PDZK1: variants seen among roughly 807,000 people sequenced by gnomAD.
PDZK1 encodes Na(+)/H(+) exchange regulatory cofactor NHE-RF3.
Under a neutral mutation model 38.1 loss-of-function variants are expected in PDZK1, and 23 were observed. The ratio of observed to expected loss-of-function variants is 0.60; its 90% CI spans 0.43 to 0.85. The LOEUF (loss-of-function observed/expected upper bound fraction) is 0.85. PDZK1 is among the 40% of genes least tolerant of loss of function. PDZK1 has a pLI of 0.00. For missense variants in PDZK1, 297 were observed against 504.3 expected (o/e 0.59, Z 3.94); for synonymous variants, 98 against 186.2 (o/e 0.53, Z 3.86).
At chr1:145,688,530 G>A (rs1654992888) in intron 1 of PDZK1, among the ~76,000 whole-genome samples, 1 of 152,112 alleles carries the variant, frequency 6.6e-6, no homozygotes, top group South Asian at 2.1e-4. Flanking sequence ...CAGTGATAAG[G>A]GGGAAAATAA....
At chr1:145,699,893 AG>A (rs1189585579) in intron 1 of PDZK1, among the ~76,000 whole-genome samples, 4 of 152,144 alleles carry the variant, frequency 2.6e-5, no homozygotes, top group Non-Finnish European at 4.4e-5. Flanking sequence ...GAATACCCCT[AG>A]AATAGGAAGC....
chr1:145,690,577 C>G (rs1336268671), intron 1 of PDZK1, among the ~76,000 whole-genome samples: 2 of 152,018 alleles, frequency 1.3e-5, no homozygotes, highest in African/African-American at 2.4e-5. Flanking sequence ...AGAATAAGGC[C>G]AACAGATACT....
chr1:145,679,203 T>C (rs1416075025), intron 5 of PDZK1, among the ~76,000 whole-genome samples: 1 of 151,744 alleles, frequency 6.6e-6, no homozygotes, highest in Non-Finnish European at 1.5e-5. Flanking sequence ...CTGTTTCACT[T>C]TTCCAGCTAG....
chr1:145,691,216 C>T (rs1391822870), intron 1 of PDZK1, among the ~76,000 whole-genome samples: 1 of 152,214 alleles, frequency 6.6e-6, no homozygotes. Flanking sequence ...CCTCAAAAGC[C>T]TGGTCTTACA....
At chr1:145,671,579 T>A in intron 8 of PDZK1, 90 bp from the exon 9 acceptor site, 1 of 691,642 alleles carries the variant, frequency 1.4e-6, no homozygotes, top group South Asian at 1.9e-5. Context: ...AGTCGGGGAG[T>A]AGAGTCACTC....
intron 4 of PDZK1, among the ~76,000 whole-genome samples, chr1:145,682,051 C>T (rs1271907316): frequency 2.3e-5 from 3 of 130,206 alleles, no homozygotes; most frequent in African/African-American, 3.3e-5. Context: ...CACACACACA[C>T]ATAAAAATTA....
chr1:145,690,468 C>T (rs1191496057), intron 1 of PDZK1, among the ~76,000 whole-genome samples: 4 of 152,086 alleles, frequency 2.6e-5, no homozygotes, highest in African/African-American at 9.7e-5. Flanking sequence ...GAAAATAAAA[C>T]AATGTCAAAC....
intron 6 of PDZK1, among the ~76,000 whole-genome samples, chr1:145,676,450 T>C (rs1324576809): frequency 3.3e-5 from 5 of 151,796 alleles, no homozygotes; most frequent in Non-Finnish European, 4.4e-5. Flanking sequence ...AAAAAAAATG[T>C]GTGGCCCGGG....
In PDZK1 at chr1:145,677,959, G is replaced by A. The variant is rs1405344404; in HGVS notation, c.990+490C>T. Among the ~76,000 whole-genome samples the A allele has an allele frequency of 3.6e-5, 5 of 140,580 alleles. No individual in the cohort carries two copies. In the East Asian group the frequency reaches 6.1e-4, roughly 17 times the overall value. The allele number at this position is 140,580 out of a possible 152,430, so 92.2% of individuals were successfully genotyped here. On this transcript the variant is annotated intron_variant, in intron 6 of 8. Coordinates refer to ENST00000417171, the MANE Select transcript of PDZK1 (RefSeq NM_001201325.2). ...AAAAAACCTTAAAACATGCAGTAGT[G>A]GGTGTTATGATAAAGAGCTGTTAAG...
At chr1:145,694,114 C>T (rs1305304506) in intron 1 of PDZK1, among the ~76,000 whole-genome samples, 1 of 152,140 alleles carries the variant, frequency 6.6e-6, no homozygotes, top group Non-Finnish European at 1.5e-5. Flanking sequence ...ATAAAACAAC[C>T]TTTCACTGTT....
At chr1:145,676,156 A>G (rs1248969745) in intron 6 of PDZK1, 3 of 984,174 alleles carry the variant, frequency 3.0e-6, no homozygotes, top group South Asian at 4.7e-5. Context: ...TACAGGGCTT[A>G]CTTTGGAGAG....
At chr1:145,705,612 C>G (rs1656199771) in intron 1 of PDZK1, among the ~76,000 whole-genome samples, 1 of 152,168 alleles carries the variant, frequency 6.6e-6, no homozygotes, top group African/African-American at 2.4e-5. Context: ...TGTAAGTGAG[C>G]AAACAGAGGC....
At chr1:145,676,781 GA>G (rs1653725306) in intron 6 of PDZK1, among the ~76,000 whole-genome samples, 1 of 150,582 alleles carries the variant, frequency 6.6e-6, no homozygotes, top group Non-Finnish European at 1.5e-5. Flanking sequence ...TCAAATTCTT[GA>G]AGATGCTCTC....
intron 3 of PDZK1, 56 bp downstream of exon 3, chr1:145,686,421 A>G: frequency 2.0e-6 from 3 of 1,524,692 alleles, no homozygotes; most frequent in Non-Finnish European, 2.7e-6. Flanking sequence ...TTTGTTCTGG[A>G]AGCCTGTTGT....
chr1:145,690,701 T>G (rs1423054906), intron 1 of PDZK1, among the ~76,000 whole-genome samples: 4 of 152,188 alleles, frequency 2.6e-5, no homozygotes. Flanking sequence ...CCACAAACTC[T>G]TAATCTCTTT....
chr1:145,707,035 C>T (rs1553705841), intron 1 of PDZK1, among the ~76,000 whole-genome samples: 1 of 152,026 alleles, frequency 6.6e-6, no homozygotes, highest in East Asian at 1.9e-4. Context: ...CCCCACACAA[C>T]CCCGGGAAGG....
chr1:145,704,192 G>A (rs906969754), intron 1 of PDZK1, among the ~76,000 whole-genome samples: 1 of 152,182 alleles, frequency 6.6e-6, no homozygotes, highest in Non-Finnish European at 1.5e-5. Flanking sequence ...CATCAGGTAT[G>A]TATTCAATAC....
intron 6 of PDZK1, chr1:145,676,214 C>T: frequency 1.0e-6 from 1 of 978,074 alleles, no homozygotes; most frequent in Non-Finnish European, 1.2e-6. Flanking sequence ...TCAAAGTTCT[C>T]TATTAACCAA....
chr1:145,686,076 ACT>A (rs1553701590), intron 3 of PDZK1, among the ~76,000 whole-genome samples: 5 of 152,214 alleles, frequency 3.3e-5, no homozygotes, highest in African/African-American at 1.2e-4. Flanking sequence ...TACCAATCTT[ACT>A]CAAAAATAGC....
Sources: gnomAD v4.1 joint callset for allele counts (sites outside exome capture counted in the v4.1 genomes callset) on GRCh38, gnomAD v4.1.1 for gene constraint, MANE v1.5 for transcripts, NCBI Gene and HGNC (gene_info 2026-07-23, HGNC 2026-07-21) for gene names.